Variants in SIL1 observed in about 807,000 individuals in gnomAD.
SIL1 encodes the protein SIL1 nucleotide exchange factor, also known as nucleotide exchange factor SIL1.
In SIL1, 40 loss-of-function variants were observed where a neutral mutation model predicts 49.1. The observed-to-expected ratio is 0.81, with a 90% CI of 0.63 to 1.06. The LOEUF (loss-of-function observed/expected upper bound fraction) is 1.06, where lower values mean the gene tolerates loss of function less well. Among genes scored for constraint, SIL1 ranks in the 50% least tolerant of loss-of-function variants. The probability of loss-of-function intolerance (pLI) is 0.00; values close to 1 mark genes in which losing one functional copy is unlikely to be tolerated. For missense variants in SIL1, 500 were observed against 572.6 expected, an observed-to-expected ratio of 0.87 and a Z score of 1.29; for synonymous variants, 253 against 250.8, an observed-to-expected ratio of 1.01 and a Z score of -0.08.
chr5:139,159,257 A>G (rs1303715245), intron 1 of SIL1, among the ~76,000 whole-genome samples: 12 of 152,264 alleles, frequency 7.9e-5, no homozygotes, highest in African/African-American at 2.7e-4. Flanking sequence ...AAGAAAGGCC[A>G]GCAGGATGTG....
chr5:139,125,413 G>A (rs1347149467), intron 2 of SIL1, among the ~76,000 whole-genome samples: 1 of 152,160 alleles, frequency 6.6e-6, no homozygotes, highest in Non-Finnish European at 1.5e-5. Context: ...AAAAACCAAA[G>A]CCTTCAAGAT....
intron 3 of SIL1, among the ~76,000 whole-genome samples, chr5:139,103,362 T>C (rs1561863201): frequency 6.6e-6 from 1 of 152,210 alleles, no homozygotes; most frequent in Non-Finnish European, 1.5e-5. Context: ...AAAGGTGATC[T>C]TGCCTTTCGG....
chr5:139,060,807 G>C (rs1769568692), intron 3 of SIL1, among the ~76,000 whole-genome samples: 1 of 152,146 alleles, frequency 6.6e-6, no homozygotes, highest in African/African-American at 2.4e-5. Context: ...AAGGCTCAGG[G>C]CCTAGACACA....
chr5:139,088,760 T>C (rs1770280496), intron 3 of SIL1, among the ~76,000 whole-genome samples: 1 of 152,216 alleles, frequency 6.6e-6, no homozygotes, highest in Admixed American at 6.5e-5. Context: ...AGCCTGTAAC[T>C]AGTGACTGAG....
chr5:139,054,211 T>G (rs1769354771), intron 3 of SIL1, among the ~76,000 whole-genome samples: 1 of 152,130 alleles, frequency 6.6e-6, no homozygotes, highest in Non-Finnish European at 1.5e-5. Context: ...AGGCCATGGG[T>G]TGGGCAACAC....
At chr5:139,176,063 A>G (rs905657254) in intron 1 of SIL1, among the ~76,000 whole-genome samples, 3 of 152,014 alleles carry the variant, frequency 2.0e-5, no homozygotes, top group Non-Finnish European at 1.5e-5. Flanking sequence ...TGCCACAATC[A>G]CAGCTCACTG....
At chr5:139,062,393 T>C (rs1449300758) in intron 3 of SIL1, among the ~76,000 whole-genome samples, 1 of 152,160 alleles carries the variant, frequency 6.6e-6, no homozygotes, top group African/African-American at 2.4e-5. Context: ...ATCTAGAATC[T>C]GGGCCGGGTC....
At position 139,185,652 on chromosome 5, in the gene SIL1, A is replaced by C. The variant is rs142743123; in HGVS notation, c.-11+12617T>G. Reference sequence around the variant, plus strand: ...GAAAAGTAAGTCTCCCTCCTTCCCAATTCTCTAGTTACCCAGGGCCTCTCA... The same window carrying C: ...GAAAAGTAAGTCTCCCTCCTTCCCACTTCTCTAGTTACCCAGGGCCTCTCA... On this transcript the variant is annotated intron_variant, in intron 1 of 9. Transcript: ENST00000394817. Among the ~76,000 whole-genome samples the C allele has an allele frequency of 2.4e-4, 36 of 152,326 alleles. 1 individual carries two copies. In the East Asian group the frequency reaches 6.9e-3, roughly 29 times the overall value.
At chr5:139,061,075 G>GC (rs1769577591) in intron 3 of SIL1, among the ~76,000 whole-genome samples, 1 of 152,234 alleles carries the variant, frequency 6.6e-6, no homozygotes, top group East Asian at 1.9e-4. Flanking sequence ...TACAGAAAAG[G>GC]CAAACAAAAC....
intron 7 of SIL1, among the ~76,000 whole-genome samples, chr5:138,988,966 A>G (rs1052512083): frequency 3.9e-5 from 6 of 152,350 alleles, no homozygotes; most frequent in Non-Finnish European, 7.3e-5. Context: ...TGTAAAAACA[A>G]TATATGGAAA....
At chr5:139,185,619 CAT>C (rs1422279885) in intron 1 of SIL1, among the ~76,000 whole-genome samples, 1 of 152,194 alleles carries the variant, frequency 6.6e-6, no homozygotes, top group African/African-American at 2.4e-5. Flanking sequence ...CACACAAAGA[CAT>C]ATAGTGAAAA....
intron 7 of SIL1, among the ~76,000 whole-genome samples, chr5:138,996,854 T>C (rs763414906): frequency 2.0e-5 from 3 of 152,140 alleles, no homozygotes. Context: ...CTCTTTTGTC[T>C]ATTTTTGCTT....
At chr5:139,173,080 T>C (rs1314765930) in intron 1 of SIL1, among the ~76,000 whole-genome samples, 1 of 152,160 alleles carries the variant, frequency 6.6e-6, no homozygotes, top group Non-Finnish European at 1.5e-5. Flanking sequence ...ACGTGTAAGA[T>C]GCAATATCAT....
At chr5:138,998,137 C>T (rs115167511) in intron 7 of SIL1, among the ~76,000 whole-genome samples, 2,376 of 152,226 alleles carry the variant, frequency 0.016, 68 homozygotes, top group African/African-American at 0.055. Context: ...ACTCTTTATG[C>T]TGCTATAAAG....
At chr5:138,967,275 C>G (rs1767165268) in intron 7 of SIL1, among the ~76,000 whole-genome samples, 1 of 152,202 alleles carries the variant, frequency 6.6e-6, no homozygotes, top group Non-Finnish European at 1.5e-5. Context: ...AATTCTCAAG[C>G]GTCACCCCAG....
In SIL1 at chr5:139,050,019, A is replaced by G. The variant is rs530182988; in HGVS notation, c.353+919T>C. 9.2e-5 allele frequency among the ~76,000 whole-genome samples: 14 copies of G among 152,348 alleles called. No individual in the cohort carries two copies. The East Asian group carries it at 1.5e-3, about 17-fold the overall frequency. On this transcript the variant is annotated intron_variant, in intron 4 of 9. Transcript: ENST00000394817. ...AAGAAAGCAGCCATAGACAATATGT[A>G]AACAAATGAGCATGGCTGTGTCCCA... is the stretch of plus-strand genomic sequence containing the variant.
intron 1 of SIL1, among the ~76,000 whole-genome samples, chr5:139,166,912 C>A (rs1001434330): frequency 6.6e-6 from 1 of 152,112 alleles, no homozygotes; most frequent in Admixed American, 6.5e-5. Context: ...AAGTGCATAC[C>A]ATTCTCCTGC....
At chr5:139,008,559 G>A (rs1418092806) in intron 7 of SIL1, among the ~76,000 whole-genome samples, 2 of 146,492 alleles carry the variant, frequency 1.4e-5, no homozygotes. Context: ...GTGTTAGGGT[G>A]TCAATTTTGG....
At chr5:138,997,858 C>A (rs891207975) in intron 7 of SIL1, among the ~76,000 whole-genome samples, 1 of 152,136 alleles carries the variant, frequency 6.6e-6, no homozygotes, top group Non-Finnish European at 1.5e-5. Context: ...TGTGCCCAGC[C>A]AACTTTGTAC....
Sources: allele counts gnomAD v4.1 joint callset (sites outside exome capture counted in the v4.1 genomes callset), GRCh38; gene constraint gnomAD v4.1.1; transcripts MANE v1.5; gene names NCBI Gene and HGNC (gene_info 2026-07-23, HGNC 2026-07-21).